CACNA1C: variants seen among roughly 807,000 people sequenced by gnomAD.
The protein encoded by CACNA1C is calcium voltage-gated channel subunit alpha1 C.
In CACNA1C, 30 loss-of-function variants were observed where a neutral mutation model predicts 229.0. The observed-to-expected ratio is 0.13, with a 90% CI of 0.10 to 0.18. The LOEUF is 0.18. Among genes scored for constraint, CACNA1C ranks in the 10% least tolerant of loss-of-function variants. The pLI, the probability that CACNA1C is intolerant of heterozygous loss-of-function variation, is 1.00. For synonymous variants in CACNA1C, 1,114 were observed against 1,132.5 expected, an observed-to-expected ratio of 0.98 and a Z score of 0.33; for missense variants, 1,658 against 2,845.0, an observed-to-expected ratio of 0.58 and a Z score of 9.49.
chr12:2,549,270 C>T (rs902840545), intron 9 of CACNA1C, among the ~76,000 whole-genome samples: 1 of 152,132 alleles, frequency 6.6e-6, no homozygotes, highest in Non-Finnish European at 1.5e-5. Flanking sequence ...TGTCTTCTGA[C>T]CACAATTAAA....
rs556575327 is a variant in CACNA1C at position 2,554,477 on chromosome 12, G to A, written c.1482-2474G>A. On this transcript the variant is annotated intron_variant, in intron 10 of 46. Transcript: ENST00000399655. Reference sequence around the variant, plus strand: ...AAGCCTTCCGAGTGTGCTGTGCATAGAGAAGCCAGAGCCCCCAGCTGTTCT... The same window carrying A: ...AAGCCTTCCGAGTGTGCTGTGCATAAAGAAGCCAGAGCCCCCAGCTGTTCT... Among the ~76,000 whole-genome samples the A allele has an allele frequency of 2.6e-5, 4 of 152,344 alleles. No homozygotes were observed. In the South Asian group the frequency reaches 8.3e-4, roughly 32 times the overall value.
intron 18 of CACNA1C, among the ~76,000 whole-genome samples, chr12:2,586,188 A>C (rs531378460): frequency 6.6e-6 from 1 of 152,336 alleles, no homozygotes; most frequent in African/African-American, 2.4e-5. Flanking sequence ...GTTACATTAC[A>C]TGTTGTAAAA....
intron 3 of CACNA1C, among the ~76,000 whole-genome samples, chr12:2,208,495 G>A (rs946393114): frequency 2.5e-4 from 38 of 152,266 alleles, no homozygotes; most frequent in Admixed American, 1.2e-3. Flanking sequence ...GATGCCGCCG[G>A]CTGAGGGAGC....
intron 3 of CACNA1C, among the ~76,000 whole-genome samples, chr12:2,312,599 C>T (rs941297393): frequency 1.3e-5 from 2 of 152,178 alleles, no homozygotes; most frequent in African/African-American, 4.8e-5. Context: ...ACCCTAACCA[C>T]CCTGGGTGTC....
Position 2,425,284 on chromosome 12 carries a change from T to C in CACNA1C, c.478-23692T>C, listed in dbSNP as rs562568748. On this transcript the variant is annotated intron_variant, in intron 3 of 46. Coordinates refer to ENST00000399655, the MANE Select transcript of CACNA1C (RefSeq NM_000719.7). ...GCTGTTGTTAAGCAAAAATAGGGAA[T>C]ATAAAATGATACGAACAGTATAATC... Among the ~76,000 whole-genome samples, 19 of 152,326 alleles carry C rather than the reference T, an allele frequency of 1.2e-4. No homozygotes were observed. In the South Asian group the frequency reaches 1.9e-3, roughly 15 times the overall value.
chr12:2,052,923 GGCGGGC>G (rs1442743365), upstream of CACNA1C: 3 of 951,742 alleles, frequency 3.2e-6, no homozygotes, highest in Non-Finnish European at 3.7e-6. Flanking sequence ...CGCGGGCAGG[GGCGGGC>G]GCGGGCGCGG....
intron 34 of CACNA1C, among the ~76,000 whole-genome samples, chr12:2,658,007 C>CAG (rs1361932654): frequency 6.6e-6 from 1 of 152,062 alleles, no homozygotes; most frequent in African/African-American, 2.4e-5. Context: ...AACACACACA[C>CAG]ACACACACAG....
At chr12:2,394,316 A>T (rs2098536878) in intron 3 of CACNA1C, among the ~76,000 whole-genome samples, 1 of 152,232 alleles carries the variant, frequency 6.6e-6, no homozygotes, top group South Asian at 2.1e-4. Context: ...CACAGCCATG[A>T]TAAACGCAGG....
At chr12:2,462,961 G>A (rs927445870) in intron 5 of CACNA1C, among the ~76,000 whole-genome samples, 8 of 142,578 alleles carry the variant, frequency 5.6e-5, no homozygotes, top group African/African-American at 1.9e-4. Flanking sequence ...CGCCCAGGCT[G>A]GAGTGCAGTG....
intron 3 of CACNA1C, among the ~76,000 whole-genome samples, chr12:2,270,207 G>A (rs1161210224): frequency 6.6e-6 from 1 of 152,186 alleles, no homozygotes; most frequent in African/African-American, 2.4e-5. Context: ...CTGAGAAGGC[G>A]AGCTTCGAAA....
intron 1 of CACNA1C, among the ~76,000 whole-genome samples, chr12:2,110,298 A>G (rs1565751279): frequency 6.6e-6 from 1 of 152,194 alleles, no homozygotes; most frequent in Non-Finnish European, 1.5e-5. Flanking sequence ...GAGCTGGGCC[A>G]TTTGACAGGT....
At chr12:2,648,961 A>G (rs1255981664) in intron 31 of CACNA1C, among the ~76,000 whole-genome samples, 7 of 152,116 alleles carry the variant, frequency 4.6e-5, no homozygotes, top group Non-Finnish European at 1.0e-4. Context: ...GATTCCTGTT[A>G]ATCAGTGTCT....
chr12:2,158,684 C>T (rs1040544782), intron 3 of CACNA1C, among the ~76,000 whole-genome samples: 2 of 152,070 alleles, frequency 1.3e-5, no homozygotes, highest in African/African-American at 4.8e-5. Context: ...TATATCTGAT[C>T]AAACTATCAC....
At chr12:2,638,802 G>T (rs1243874439) in intron 30 of CACNA1C, among the ~76,000 whole-genome samples, 1 of 152,182 alleles carries the variant, frequency 6.6e-6, no homozygotes, top group Non-Finnish European at 1.5e-5. Context: ...GCAAGGAGGC[G>T]GGCTGGAGGC....
At chr12:2,246,245 C>T (rs181276812) in intron 3 of CACNA1C, among the ~76,000 whole-genome samples, 38 of 152,272 alleles carry the variant, frequency 2.5e-4, no homozygotes, top group African/African-American at 8.2e-4. Context: ...GGGGCAGGCT[C>T]GGCAGAGCTG....
At chr12:2,662,241 C>CA (rs34136018) in intron 34 of CACNA1C, among the ~76,000 whole-genome samples, 90,444 of 135,602 alleles carry the variant, frequency 0.67, 30,475 homozygotes, top group East Asian at 0.85. Context: ...GACCCCATCT[C>CA]AAAAAAAAAA....
intron 5 of CACNA1C, 118 bp from the exon 6 acceptor site, chr12:2,485,986 C>T: frequency 1.3e-6 from 1 of 769,804 alleles, no homozygotes; most frequent in Non-Finnish European, 2.0e-6. Context: ...TCAGTCTTCT[C>T]ATCTAAACAA....
chr12:2,346,521 C>G lies in CACNA1C; in HGVS notation c.478-102455C>G, dbSNP rs61016891. On this transcript the variant is annotated intron_variant, in intron 3 of 46. Coordinates refer to ENST00000399655, the MANE Select transcript of CACNA1C (RefSeq NM_000719.7). The surrounding 1 kb of genome is among the most constrained non-coding windows in gnomAD (Gnocchi z 4.4). ...TTGCTATGTTTTAAATTTTGGGCCCCAGGAAGAGAGTTGCCCCTGTGTTAG... is the reference window on the plus strand; with the variant it reads ...TTGCTATGTTTTAAATTTTGGGCCCGAGGAAGAGAGTTGCCCCTGTGTTAG... Among the ~76,000 whole-genome samples the G allele has an allele frequency of 1.3e-3, 204 of 152,166 alleles. 1 individual carries two copies. Among genetic ancestry groups the G allele is most frequent in the African/African-American group, 4.7e-3 (196 of 41,500 alleles).
At chr12:2,182,835 G>A (rs938676978) in intron 3 of CACNA1C, among the ~76,000 whole-genome samples, 18 of 152,076 alleles carry the variant, frequency 1.2e-4, no homozygotes, top group South Asian at 4.1e-4. Flanking sequence ...GGGAAGGGGC[G>A]CGTGTGCAGA....
Sources: allele counts gnomAD v4.1 joint callset (sites outside exome capture counted in the v4.1 genomes callset), GRCh38; gene constraint gnomAD v4.1.1; non-coding constraint Gnocchi (gnomAD v3.1); transcripts MANE v1.5; gene names NCBI Gene and HGNC (gene_info 2026-07-23, HGNC 2026-07-21).